ZMIZ2: variants seen among roughly 807,000 people sequenced by gnomAD.
The protein encoded by ZMIZ2 is zinc finger MIZ domain-containing protein 2.
In ZMIZ2, 26 loss-of-function variants were observed where a neutral mutation model predicts 93.9. That is an observed-to-expected ratio of 0.28 (90% confidence interval 0.20 to 0.38). The LOEUF (loss-of-function observed/expected upper bound fraction) is 0.38. Ranked by LOEUF, ZMIZ2 falls within the 10% of genes least tolerant of loss-of-function variation. ZMIZ2 has a pLI of 1.00. For missense variants in ZMIZ2, 1,023 were observed against 1,235.0 expected, an observed-to-expected ratio of 0.83 and a Z score of 2.57; for synonymous variants, 485 against 516.4, an observed-to-expected ratio of 0.94 and a Z score of 0.82.
rs571943886 is a variant in ZMIZ2 at position 44,754,689 on chromosome 7, G to A, written c.-62-1499G>A. Reference sequence around the variant, plus strand: ...TGAATGCGGGGCCACCCTCTCCTGGGGCAGGGAGAGGCCATGTGAGTGCTG... The same window carrying A: ...TGAATGCGGGGCCACCCTCTCCTGGAGCAGGGAGAGGCCATGTGAGTGCTG... On this transcript the variant is annotated intron_variant, in intron 1 of 18. Coordinates refer to ENST00000309315, the MANE Select transcript of ZMIZ2 (RefSeq NM_031449.4). 3.3e-5 allele frequency among the ~76,000 whole-genome samples: 5 copies of A among 152,318 alleles called. No homozygotes were observed. In the South Asian group the frequency reaches 1.0e-3, roughly 32 times the overall value.
Position 44,766,655 on chromosome 7 carries a change from G to C in ZMIZ2, c.2647G>C (p.Ala883Pro). The C allele has an allele frequency of 1.9e-6, 3 of 1,613,032 alleles. No homozygotes were observed. The highest frequency in any genetic ancestry group is 2.5e-6 in the Non-Finnish European group (3 of 1,179,958). The change falls in exon 18 of 19, where the codon GCT becomes CCT. Residue 883 changes from alanine (A) to proline (P), a missense_variant. Coordinates refer to ENST00000309315, the MANE Select transcript of ZMIZ2 (RefSeq NM_031449.4). This position sits in a 1 kb window ranked among gnomAD's most constrained non-coding sequence, Gnocchi z 4.4. Reference sequence around the variant, plus strand: ...TGGAGCCGGGGAGGCCCCAGAACCAGCTCTGGACGTGAGTACCAGGCCCCA... The same window carrying C: ...TGGAGCCGGGGAGGCCCCAGAACCACCTCTGGACGTGAGTACCAGGCCCCA... ...MSGAGEAPEPALDLLPELTNP... is the reference protein window; with the variant it reads ...MSGAGEAPEPPLDLLPELTNP...
Position 44,763,558 on chromosome 7 carries a change from G to C in ZMIZ2, c.1860+145G>C. ...AGGACAGGCCTCCCACGCCAAGGAG[G>C]CAGGTGGGCCTGGCTCCCCCAAGAC... On this transcript the variant is annotated intron_variant, in intron 13 of 18. Transcript: ENST00000309315. The surrounding 1 kb of genome is among the most constrained non-coding windows in gnomAD (Gnocchi z 5.6). 6 of 1,170,180 alleles carry C rather than the reference G, an allele frequency of 5.1e-6. No homozygotes were observed. The highest frequency in any genetic ancestry group is 7.1e-6 in the Non-Finnish European group (6 of 846,308). 72.5% of individuals were successfully genotyped at this position (1,170,180 alleles called of 1,614,324 possible).
At chr7:44,756,372 C>T in intron 2 of ZMIZ2, 53 bp from the exon 3 acceptor site, 1 of 1,613,872 alleles carries the variant, frequency 6.2e-7, no homozygotes, top group South Asian at 1.1e-5. Context: ...ATCCTAGACT[C>T]TTGGACACCA....
Position 44,761,397 on chromosome 7 carries a change from A to G in ZMIZ2, c.1241-52A>G, listed in dbSNP as rs1791161218. 1 of 1,593,684 alleles carries G rather than the reference A, an allele frequency of 6.3e-7. No individual in the cohort carries two copies. The highest frequency in any genetic ancestry group is 1.3e-5 in the African/African-American group (1 of 74,892). ...GCCGCTGCCCTCCTTGAGTGACACA[A>G]GACGCTCTGGCTGGGGCAACCCAGC... On this transcript the variant is annotated intron_variant, in intron 9 of 18. Transcript: ENST00000309315. The surrounding 1 kb of genome is among the most constrained non-coding windows in gnomAD (Gnocchi z 5.8).
rs1583659612 is a variant in ZMIZ2 at position 44,765,870 on chromosome 7, C to T, written c.2242+291C>T. ...GGCTGGAACACCTCACAGGACTGGC[C>T]CCATCTGGGGCCCCCCTCTGGGACC... is the stretch of plus-strand genomic sequence containing the variant. On this transcript the variant is annotated intron_variant, in intron 16 of 18. Coordinates refer to ENST00000309315, the MANE Select transcript of ZMIZ2 (RefSeq NM_031449.4). This position sits in a 1 kb window ranked among gnomAD's most constrained non-coding sequence, Gnocchi z 4.1. 1 of 1,300,960 alleles carries T rather than the reference C, an allele frequency of 7.7e-7. No individual in the cohort carries two copies. Among genetic ancestry groups the T allele is most frequent in the Non-Finnish European group, 1.0e-6 (1 of 989,378 alleles). The allele number at this position is 1,300,960 out of a possible 1,614,324, so 80.6% of individuals were successfully genotyped here.
chr7:44,765,308 A>T lies in ZMIZ2; in HGVS notation c.1998-27A>T. 1 of 1,608,386 alleles carries T rather than the reference A, an allele frequency of 6.2e-7. No individual in the cohort carries two copies. The highest frequency in any genetic ancestry group is 8.5e-7 in the Non-Finnish European group (1 of 1,176,770). On this transcript the variant is annotated intron_variant, in intron 15 of 18. Transcript: ENST00000309315. This position sits in a 1 kb window ranked among gnomAD's most constrained non-coding sequence, Gnocchi z 4.1. ...CCGGGCCAGCAGCAGGCCAGGAGGTAACCATTCCCCACCTGTCCCTGCCCA... is the reference window on the plus strand; with the variant it reads ...CCGGGCCAGCAGCAGGCCAGGAGGTTACCATTCCCCACCTGTCCCTGCCCA...
chr7:44,757,270 G>T (rs1396297760), intron 4 of ZMIZ2, 108 bp from the exon 5 acceptor site: 1 of 1,508,370 alleles, frequency 6.6e-7, no homozygotes, highest in South Asian at 1.2e-5. Context: ...GTAGTGGAGG[G>T]TCTAGAAAGA....
chr7:44,754,159 G>GTTCCTCTGTCCCCCAACA (rs1790391398), intron 1 of ZMIZ2, among the ~76,000 whole-genome samples: 1 of 152,218 alleles, frequency 6.6e-6, no homozygotes, highest in Non-Finnish European at 1.5e-5. Context: ...CTGTTGGCAG[G>GTTCCTCTGTCCCCCAACA]TTCCTCTGTC....
chr7:44,759,340 T>A lies in ZMIZ2; in HGVS notation c.873T>A (p.Phe291Leu), dbSNP rs1292264908. Reference protein sequence around the residue: ...GGQYAPSTAQFAPSPGQPPAP... With the variant: ...GGQYAPSTAQLAPSPGQPPAP... Reference sequence around the variant, plus strand: ...AGTATGCACCCAGCACCGCCCAGTTTGCGCCCAGCCCTGGGCAGCCCCCTG... The same window carrying A: ...AGTATGCACCCAGCACCGCCCAGTTAGCGCCCAGCCCTGGGCAGCCCCCTG... Residue 291 changes from phenylalanine to leucine, a missense_variant, in exon 7 of 19, where the codon TTT (phenylalanine) becomes TTA (leucine). Coordinates refer to ENST00000309315, the MANE Select transcript of ZMIZ2 (RefSeq NM_031449.4). 1 of 1,604,624 alleles carries A rather than the reference T, an allele frequency of 6.2e-7. No individual in the cohort carries two copies. Among genetic ancestry groups the A allele is most frequent in the Non-Finnish European group, 8.5e-7 (1 of 1,175,810 alleles).
intron 3 of ZMIZ2, 167 bp downstream of exon 3, chr7:44,756,706 G>C (rs1198266972): frequency 2.5e-6 from 2 of 796,982 alleles, no homozygotes; most frequent in African/African-American, 3.5e-5. Context: ...CTAAGTCTTT[G>C]GACACTGGTT....
upstream of ZMIZ2, chr7:44,748,726 C>A (rs910571786): frequency 6.6e-6 from 1 of 150,528 alleles, no homozygotes; most frequent in Non-Finnish European, 1.5e-5. Flanking sequence ...CGCTTTGGGC[C>A]GCTCGGGCTC....
rs751725678 is a variant in ZMIZ2 at position 44,757,916 on chromosome 7, C to T, written c.621C>T (p.Pro207=). The change falls in exon 6 of 19, where the codon CCC becomes CCT. Residue 207 remains proline (P), a synonymous_variant. Transcript: ENST00000309315. The stretch of plus-strand genomic sequence containing the variant: ...GAGGTCCCCGGGGGCCTAGTGTCCC[C>T]GCTGGCATGAACCCTACTGGCATAG... ...QHGGPRGPSV[P]AGMNPTGIGG... The T allele has an allele frequency of 3.1e-5, 50 of 1,610,580 alleles. No homozygotes were observed. The highest frequency in any genetic ancestry group is 9.4e-5 in the African/African-American group (7 of 74,852).
chr7:44,764,543 A>G (rs377086790), intron 14 of ZMIZ2, 57 bp downstream of exon 14: 4 of 1,576,606 alleles, frequency 2.5e-6, no homozygotes, highest in Non-Finnish European at 3.5e-6. Flanking sequence ...AGAGGCTTTC[A>G]TGGGTGAAAC....
intron 18 of ZMIZ2, among the ~76,000 whole-genome samples, chr7:44,767,110 A>G (rs1306107250): frequency 6.6e-6 from 1 of 152,058 alleles, no homozygotes; most frequent in Admixed American, 6.5e-5. Flanking sequence ...CAACATGAAA[A>G]AGTTAGGAAG....
At chr7:44,753,256 T>C (rs1476675769) in intron 1 of ZMIZ2, among the ~76,000 whole-genome samples, 4 of 152,108 alleles carry the variant, frequency 2.6e-5, no homozygotes, top group Non-Finnish European at 5.9e-5. Flanking sequence ...TGTTTTGTTT[T>C]GTTTTTTAAA....
At position 44,765,830 on chromosome 7, in the gene ZMIZ2, G is replaced by A; in HGVS notation, c.2242+251G>A. 1 of 1,089,150 alleles carries A rather than the reference G, an allele frequency of 9.2e-7. No individual in the cohort carries two copies. Among genetic ancestry groups the A allele is most frequent in the Middle Eastern group, 3.0e-4 (1 of 3,334 alleles). 67.5% of individuals were successfully genotyped at this position (1,089,150 alleles called of 1,614,324 possible). A position where few individuals can be genotyped will look rare whatever the true frequency, so the allele number is the denominator to read the frequency against. ...GCCTCCACCCTTCCTTCCCCGTTTG[G>A]ATTAAGGGGCTCCTGGCTGGAACAC... On this transcript the variant is annotated intron_variant, in intron 16 of 18. Transcript: ENST00000309315. This position sits in a 1 kb window ranked among gnomAD's most constrained non-coding sequence, Gnocchi z 4.1.
chr7:44,763,580 A>G lies in ZMIZ2; in HGVS notation c.1860+167A>G. ...GAGGCAGGTGGGCCTGGCTCCCCCAAGACTAGGCTATTTTTTCTTCCAAAT... is the reference window on the plus strand; with the variant it reads ...GAGGCAGGTGGGCCTGGCTCCCCCAGGACTAGGCTATTTTTTCTTCCAAAT... On this transcript the variant is annotated intron_variant, in intron 13 of 18. Coordinates refer to ENST00000309315, the MANE Select transcript of ZMIZ2 (RefSeq NM_031449.4). This position sits in a 1 kb window ranked among gnomAD's most constrained non-coding sequence, Gnocchi z 5.6. The G allele has an allele frequency of 1.2e-6, 1 of 826,282 alleles. No individual in the cohort carries two copies. The highest frequency in any genetic ancestry group is 1.8e-6 in the Non-Finnish European group (1 of 544,946). The allele number at this position is 826,282 out of a possible 1,614,324, so 51.2% of individuals were successfully genotyped here.
intron 3 of ZMIZ2, 148 bp downstream of exon 3, chr7:44,756,687 C>A: frequency 3.5e-6 from 3 of 853,086 alleles, no homozygotes; most frequent in Non-Finnish European, 3.7e-6. Flanking sequence ...ATGGGGCCTC[C>A]TGAGTCCCCT....
chr7:44,768,665 T>A lies in ZMIZ2; in HGVS notation c.*1042T>A, dbSNP rs753992244. Reference sequence around the variant, plus strand: ...CTGTTGTGTCTCCTGTCTGTGCCGATCTCTATTAAAGGACTCCCTCTTGGT... The same window carrying A: ...CTGTTGTGTCTCCTGTCTGTGCCGAACTCTATTAAAGGACTCCCTCTTGGT... On this transcript the variant is annotated 3_prime_UTR_variant, in exon 19 of 19. Transcript: ENST00000309315. 6 of 152,102 alleles carry A rather than the reference T, an allele frequency of 3.9e-5. No individual in the cohort carries two copies. Among genetic ancestry groups the A allele is most frequent in the Non-Finnish European group, 8.8e-5 (6 of 68,056 alleles). 9.4% of individuals were successfully genotyped at this position (152,102 alleles called of 1,614,324 possible).
Sources: gnomAD v4.1 joint callset for allele counts (sites outside exome capture counted in the v4.1 genomes callset) on GRCh38, gnomAD v4.1.1 for gene constraint, Gnocchi (gnomAD v3.1) non-coding constraint, MANE v1.5 for transcripts, NCBI Gene and HGNC (gene_info 2026-07-23, HGNC 2026-07-21) for gene names.